CLN6: variants seen among roughly 807,000 people sequenced by gnomAD.
CLN6 encodes the protein ceroid-lipofuscinosis neuronal protein 6.
CLN6 carries 22 observed loss-of-function variants against 33.3 expected under a neutral mutation model. That is an observed-to-expected ratio of 0.66 (90% CI 0.47 to 0.94). CLN6 has a LOEUF of 0.94. Ranked by LOEUF, CLN6 falls within the 40% of genes least tolerant of loss-of-function variation. The probability of loss-of-function intolerance (pLI) is 0.00; values close to 1 mark genes in which losing one functional copy is unlikely to be tolerated. For missense variants in CLN6, 387 were observed against 417.1 expected, an observed-to-expected ratio of 0.93 and a Z score of 0.63; for synonymous variants, 201 against 174.6, an observed-to-expected ratio of 1.15 and a Z score of -1.19.
At chr15:68,229,259 C>G (rs987219495) in intron 1 of CLN6, among the ~76,000 whole-genome samples, 1 of 152,174 alleles carries the variant, frequency 6.6e-6, no homozygotes, top group African/African-American at 2.4e-5. Context: ...GCTCCTCCCA[C>G]CCGAGCAACG....
At chr15:68,221,464 T>C (rs1448407439) in intron 1 of CLN6, among the ~76,000 whole-genome samples, 1 of 151,928 alleles carries the variant, frequency 6.6e-6, no homozygotes, top group Admixed American at 6.5e-5. Flanking sequence ...GCTCTTGACC[T>C]CGAGTGATCT....
rs1488844026 is a variant in CLN6 at position 68,227,077 on chromosome 15, A to G, written c.83+2425T>C. Among the ~76,000 whole-genome samples, 1 of 149,410 alleles carries G rather than the reference A, an allele frequency of 6.7e-6. No individual in the cohort carries two copies. Among genetic ancestry groups the G allele is most frequent in the East Asian group, 2.0e-4 (1 of 5,060 alleles). ...TTTTTTTTGAGACAGTCTCACTGTC[A>G]TCCAGGCTGGAGTGCAGTGGCGCCA... On this transcript the variant is annotated intron_variant, in intron 1 of 6. Transcript: ENST00000249806. The surrounding 1 kb of genome is among the most constrained non-coding windows in gnomAD (Gnocchi z 4.1).
Position 68,207,669 on chromosome 15 carries a change from C to A in CLN6, c.*471G>T. The A allele has an allele frequency of 9.0e-6, 2 of 222,042 alleles. No homozygotes were observed. Among genetic ancestry groups the A allele is most frequent in the South Asian group, 1.4e-4 (2 of 14,504 alleles). The allele number at this position is 222,042 out of a possible 1,614,324, so 13.8% of individuals were successfully genotyped here. ...TTGCTCAACAGCCACAGTAGGCTGA[C>A]GTAACCTATGTAATGTAGGGTCAGG... is the stretch of plus-strand genomic sequence containing the variant. On this transcript the variant is annotated 3_prime_UTR_variant, in exon 7 of 7. Coordinates refer to ENST00000249806, the MANE Select transcript of CLN6 (RefSeq NM_017882.3).
chr15:68,229,401 A>C lies in CLN6; in HGVS notation c.83+101T>G, dbSNP rs2093261905. The C allele has an allele frequency of 2.1e-5, 20 of 946,636 alleles. No individual in the cohort carries two copies. The South Asian group carries it at 3.7e-4, about 17-fold the overall frequency. The allele number at this position is 946,636 out of a possible 1,614,324, so 58.6% of individuals were successfully genotyped here. ...CGCTCCGCCCCGGCCAGCGCCGCAC[A>C]CGAGGTTCCCGCCCGGCAGCCCTAG... On this transcript the variant is annotated intron_variant, in intron 1 of 6. Transcript: ENST00000249806.
rs1012449574 is a variant in CLN6, at chr15:68,211,755, G to A, written c.406C>T (p.Arg136Cys). 17 of 1,613,840 alleles carry A rather than the reference G, an allele frequency of 1.1e-5. No homozygotes were observed. The highest frequency in any genetic ancestry group is 1.7e-5 in the Admixed American group (1 of 59,994). The change falls in exon 4 of 7, where the codon CGC becomes TGC. Residue 136 changes from arginine (R) to cysteine (C), a missense_variant. Arg to Cys is a radical substitution (Grantham distance 180, BLOSUM62 -3). Coordinates refer to ENST00000249806, the MANE Select transcript of CLN6 (RefSeq NM_017882.3). The surrounding 1 kb of genome is among the most constrained non-coding windows in gnomAD (Gnocchi z 5.9). ...IHLVGDSVNH[R>C]LLFSGYQHHL... ...TGCTGGTAGCCACTGAAGAGCAGGC[G>A]GTGGTTGACAGAGTCACCCACCAGG...
At chr15:68,230,017 T>G (rs1412081954), upstream of CLN6, among the ~76,000 whole-genome samples, 2 of 152,016 alleles carry the variant, frequency 1.3e-5, no homozygotes, top group Non-Finnish European at 2.9e-5. The surrounding 1 kb of genome is among the most constrained non-coding windows in gnomAD (Gnocchi z 4.0). Context: ...CTAAGCTGAT[T>G]TAAATGCTCC....
rs901308043 is a variant in CLN6 at position 68,209,855 on chromosome 15, G to A, written c.543-96C>T. Reference sequence around the variant, plus strand: ...CCCATGGGGTCTCATGGAGTGCCACGTCACAGTTTACAAAACGCCTAGCCT... The same window carrying A: ...CCCATGGGGTCTCATGGAGTGCCACATCACAGTTTACAAAACGCCTAGCCT... On this transcript the variant is annotated intron_variant, in intron 5 of 6. Coordinates refer to ENST00000249806, the MANE Select transcript of CLN6 (RefSeq NM_017882.3). This position sits in a 1 kb window ranked among gnomAD's most constrained non-coding sequence, Gnocchi z 4.9. 36 of 1,549,886 alleles carry A rather than the reference G, an allele frequency of 2.3e-5. No homozygotes were observed. The highest frequency in any genetic ancestry group is 2.3e-4 in the Middle Eastern group (1 of 4,372).
rs8033190 is a variant in CLN6 at position 68,207,450 on chromosome 15, T to C, written c.*690A>G. The C allele has an allele frequency of 0.067, 10,376 of 155,454 alleles. 971 individuals carry two copies. The highest frequency in any genetic ancestry group is 0.21 in the African/African-American group (8,841 of 41,490). 9.6% of individuals were successfully genotyped at this position (155,454 alleles called of 1,614,324 possible). A position where few individuals can be genotyped will look rare whatever the true frequency, so the allele number is the denominator to read the frequency against. The stretch of plus-strand genomic sequence containing the variant: ...GCTCCTGGGGGCCAGGGTGTCTCCA[T>C]ACCTCATGGGCCTGAGCCTGGGCAG... On this transcript the variant is annotated 3_prime_UTR_variant, in exon 7 of 7. Coordinates refer to ENST00000249806, the MANE Select transcript of CLN6 (RefSeq NM_017882.3).
intron 1 of CLN6, among the ~76,000 whole-genome samples, chr15:68,250,629 A>G (rs1477889027): frequency 6.6e-6 from 1 of 151,652 alleles, no homozygotes; most frequent in African/African-American, 2.4e-5. Context: ...TGTCTCAAAA[A>G]AAAAAAAAAA....
Position 68,220,555 on chromosome 15 carries a change from C to A in CLN6, c.84-1905G>T, listed in dbSNP as rs1175187610. On this transcript the variant is annotated intron_variant, in intron 1 of 6. Transcript: ENST00000249806. The surrounding 1 kb of genome is among the most constrained non-coding windows in gnomAD (Gnocchi z 4.2). ...GGGTTCTAAGGGTGCAAGCCCAGGA[C>A]TGCCTACAGCCAAGGTTCCACCCTC... Among the ~76,000 whole-genome samples, 1 of 152,224 alleles carries A rather than the reference C, an allele frequency of 6.6e-6. No individual in the cohort carries two copies. The highest frequency in any genetic ancestry group is 1.9e-4 in the East Asian group (1 of 5,200).
Position 68,217,525 on chromosome 15 carries a change from C to T in CLN6, c.198+1011G>A, listed in dbSNP as rs931481515. On this transcript the variant is annotated intron_variant, in intron 2 of 6. Transcript: ENST00000249806. ...GATTATAGGCATGAGCCACCATGCC[C>T]GGCCCCAAAAGGGCTTTGCTAATTT... is the stretch of plus-strand genomic sequence containing the variant. 3.2e-4 allele frequency among the ~76,000 whole-genome samples: 49 copies of T among 152,298 alleles called. No homozygotes were observed. The East Asian group carries it at 3.7e-3, about 11-fold the overall frequency.
chr15:68,254,660 G>T, intron 1 of CLN6: 1 of 715,286 alleles, frequency 1.4e-6, no homozygotes. Flanking sequence ...TGAAGGTGAT[G>T]CTAAAGGAGA....
In CLN6 at chr15:68,209,936, G is replaced by GACAGAA. The variant is rs1036816546; in HGVS notation, c.543-183_543-178dup. 1.3e-5 allele frequency among the ~76,000 whole-genome samples: 2 copies of GACAGAA among 152,134 alleles called. No homozygotes were observed. Among genetic ancestry groups the GACAGAA allele is most frequent in the Non-Finnish European group, 2.9e-5 (2 of 68,030 alleles). On this transcript the variant is annotated intron_variant, in intron 5 of 6. Coordinates refer to ENST00000249806, the MANE Select transcript of CLN6 (RefSeq NM_017882.3). This position sits in a 1 kb window ranked among gnomAD's most constrained non-coding sequence, Gnocchi z 4.9. ...TGCCTGTGCTGGGCGTCAAAGGTGG[G>GACAGAA]ACAGAAACAGAAACAGGAAGGCAAC... is the stretch of plus-strand genomic sequence containing the variant.
In CLN6 at chr15:68,209,795, C is replaced by G; in HGVS notation, c.543-36G>C. The G allele has an allele frequency of 6.2e-7, 1 of 1,610,442 alleles. No individual in the cohort carries two copies. The highest frequency in any genetic ancestry group is 8.5e-7 in the Non-Finnish European group (1 of 1,178,684). On this transcript the variant is annotated intron_variant, in intron 5 of 6. Transcript: ENST00000249806. The surrounding 1 kb of genome is among the most constrained non-coding windows in gnomAD (Gnocchi z 4.9). ...AAGGCCAGTGTCTTAGAGGCCTGCT[C>G]AGCGGCCCTCTTCCCCACAACCTCT... is the stretch of plus-strand genomic sequence containing the variant.
At chr15:68,221,043 G>A (rs182189867) in intron 1 of CLN6, among the ~76,000 whole-genome samples, 10 of 151,478 alleles carry the variant, frequency 6.6e-5, no homozygotes, top group South Asian at 2.1e-4. Flanking sequence ...GTAGAGATGA[G>A]GTCTCACTAT....
intron 1 of CLN6, among the ~76,000 whole-genome samples, chr15:68,240,545 G>A (rs886861021): frequency 6.6e-6 from 1 of 152,194 alleles, no homozygotes; most frequent in Non-Finnish European, 1.5e-5. Flanking sequence ...AGGTTGCCCT[G>A]AGCTGAGATC....
chr15:68,237,675 T>C (rs915610497), intron 1 of CLN6, among the ~76,000 whole-genome samples: 1 of 152,002 alleles, frequency 6.6e-6, no homozygotes, highest in Non-Finnish European at 1.5e-5. Context: ...AAGGGTAGAA[T>C]GAGAAAGTCT....
At chr15:68,214,769 CT>C in intron 2 of CLN6, 2 of 322,738 alleles carry the variant, frequency 6.2e-6, no homozygotes, top group Non-Finnish European at 1.2e-5. Flanking sequence ...TGGGCTAATA[CT>C]TCCCTTCTCT....
rs2093207190 is a variant in CLN6 at position 68,211,977 on chromosome 15, C to G, written c.298-114G>C. 1.8e-6 allele frequency: 2 copies of G among 1,136,244 alleles called. No individual in the cohort carries two copies. Among genetic ancestry groups the G allele is most frequent in the Admixed American group, 4.2e-5 (2 of 47,338 alleles). 70.4% of individuals were successfully genotyped at this position (1,136,244 alleles called of 1,614,324 possible). A position where few individuals can be genotyped will look rare whatever the true frequency, so the allele number is the denominator to read the frequency against. ...ATGGACGCTTCCAGCTGGAATGTCACTCCAAAAAGTGGCTGGTCCCTTTAG... is the reference window on the plus strand; with the variant it reads ...ATGGACGCTTCCAGCTGGAATGTCAGTCCAAAAAGTGGCTGGTCCCTTTAG... On this transcript the variant is annotated intron_variant, in intron 3 of 6. Coordinates refer to ENST00000249806, the MANE Select transcript of CLN6 (RefSeq NM_017882.3). This position sits in a 1 kb window ranked among gnomAD's most constrained non-coding sequence, Gnocchi z 5.9.
Sources: allele counts gnomAD v4.1 joint callset (sites outside exome capture counted in the v4.1 genomes callset), GRCh38; gene constraint gnomAD v4.1.1; non-coding constraint Gnocchi (gnomAD v3.1); transcripts MANE v1.5; gene names NCBI Gene and HGNC (gene_info 2026-07-23, HGNC 2026-07-21).